Variants in PSPC1 observed in about 807,000 individuals in gnomAD.
PSPC1 encodes the protein paraspeckle protein 1.
Under a neutral mutation model 51.6 loss-of-function variants are expected in PSPC1, and 14 were observed. The observed-to-expected ratio is 0.27, with a 90% CI of 0.18 to 0.42. The LOEUF is 0.42. PSPC1 is among the 10% of genes least tolerant of loss of function. PSPC1 has a pLI of 1.00. For missense variants in PSPC1, 406 were observed against 701.1 expected, an observed-to-expected ratio of 0.58 and a Z score of 4.75; for synonymous variants, 193 against 231.9, an observed-to-expected ratio of 0.83 and a Z score of 1.53.
At chr13:19,772,182 A>C in intron 2 of PSPC1, 60 bp downstream of exon 2, 1 of 1,534,660 alleles carries the variant, frequency 6.5e-7, no homozygotes, top group Non-Finnish European at 8.8e-7. Flanking sequence ...ACAGAATTCC[A>C]AAACAGAGAG....
At chr13:19,707,278 T>A (rs551300492) in intron 7 of PSPC1, among the ~76,000 whole-genome samples, 1 of 152,278 alleles carries the variant, frequency 6.6e-6, no homozygotes, top group Non-Finnish European at 1.5e-5. Context: ...TATTTCCAAC[T>A]AACAGCAGTT....
downstream of PSPC1, among the ~76,000 whole-genome samples, chr13:19,674,032 G>A (rs1876337854): frequency 2.0e-5 from 3 of 152,174 alleles, no homozygotes; most frequent in South Asian, 6.2e-4. Context: ...GATTCAGTTC[G>A]TGGCCTAGGA....
rs1888704575 is a variant in PSPC1 at position 19,772,410 on chromosome 13, T to C, written c.506A>G (p.Asn169Ser). Reference sequence around the variant, plus strand: ...AGAAAATGCTTGCTCTAGCAGCTCATTGGAAACAACTGGAGAAAGGTTCTT... The same window carrying C: ...AGAAAATGCTTGCTCTAGCAGCTCACTGGAAACAACTGGAGAAAGGTTCTT... The part of the protein sequence containing the change: ...TVKNLSPVVS[N>S]ELLEQAFSQF... Residue 169 changes from asparagine (N) to serine (S), a missense_variant, in exon 2 of 9, where the codon AAT becomes AGT. Asn to Ser is a conservative substitution (Grantham distance 46). Coordinates refer to ENST00000338910, the MANE Select transcript of PSPC1 (RefSeq NM_001354909.2). 5.0e-6 allele frequency: 8 copies of C among 1,614,230 alleles called. No homozygotes were observed. Among genetic ancestry groups the C allele is most frequent in the East Asian group, 4.5e-5 (2 of 44,888 alleles).
At chr13:19,736,196 C>T (rs1884763459) in intron 5 of PSPC1, among the ~76,000 whole-genome samples, 1 of 152,046 alleles carries the variant, frequency 6.6e-6, no homozygotes, top group Non-Finnish European at 1.5e-5. Flanking sequence ...AAAAGAAACT[C>T]CCCAGCCACC....
At chr13:19,700,187 A>G (rs1879736614), downstream of PSPC1, among the ~76,000 whole-genome samples, 1 of 152,114 alleles carries the variant, frequency 6.6e-6, no homozygotes, top group African/African-American at 2.4e-5. Flanking sequence ...ATTGCTATTT[A>G]GCAATTATTA....
chr13:19,672,025 G>GCGAC, downstream of PSPC1: 1 of 734,900 alleles, frequency 1.4e-6, no homozygotes, highest in South Asian at 1.7e-5. Flanking sequence ...TCTGTAAGAT[G>GCGAC]CGACATAGCT....
At chr13:19,672,553 A>G (rs1593496615), downstream of PSPC1, 1 of 152,238 alleles carries the variant, frequency 6.6e-6, no homozygotes, top group Admixed American at 6.5e-5. Context: ...GCTTACAGCA[A>G]GGGAGCCATG....
chr13:19,777,135 AAAG>A (rs1186476353), intron 1 of PSPC1, among the ~76,000 whole-genome samples: 3 of 144,064 alleles, frequency 2.1e-5, no homozygotes, highest in African/African-American at 7.7e-5. Context: ...AAAAAAAAAA[AAAG>A]AGGCCAGGCA....
At chr13:19,712,108 T>C (rs1259405371) in intron 6 of PSPC1, among the ~76,000 whole-genome samples, 1 of 152,156 alleles carries the variant, frequency 6.6e-6, no homozygotes, top group Non-Finnish European at 1.5e-5. Flanking sequence ...CAAGCAAATA[T>C]AGTAGACATT....
At chr13:19,773,023 G>T (rs777887632) in intron 1 of PSPC1, among the ~76,000 whole-genome samples, 3 of 151,786 alleles carry the variant, frequency 2.0e-5, no homozygotes, top group Non-Finnish European at 4.4e-5. Flanking sequence ...TTAGCTGGGC[G>T]TGGTGGCGGG....
intron 6 of PSPC1, chr13:19,677,877 C>T (rs1329713103): frequency 1.1e-5 from 5 of 458,464 alleles, no homozygotes; most frequent in Middle Eastern, 3.2e-4. Context: ...TTTCAATAAA[C>T]AATGAGAAAA....
intron 2 of PSPC1, among the ~76,000 whole-genome samples, chr13:19,771,472 G>C (rs1888621583): frequency 6.6e-6 from 1 of 152,028 alleles, no homozygotes; most frequent in African/African-American, 2.4e-5. Context: ...AGGTCACTCG[G>C]TCACCTAGGC....
chr13:19,679,411 G>A (rs1298963084), intron 6 of PSPC1, among the ~76,000 whole-genome samples: 2 of 152,148 alleles, frequency 1.3e-5, no homozygotes, highest in East Asian at 1.9e-4. Context: ...CAGAAGGATC[G>A]TTTGAGCCCA....
intron 2 of PSPC1, among the ~76,000 whole-genome samples, chr13:19,762,391 AC>A (rs1395500625): frequency 6.6e-6 from 1 of 152,054 alleles, no homozygotes; most frequent in Non-Finnish European, 1.5e-5. Context: ...TGCCATCTCT[AC>A]TAAAAAAAAT....
At chr13:19,756,283 C>G (rs1274884681) in intron 3 of PSPC1, among the ~76,000 whole-genome samples, 1 of 152,054 alleles carries the variant, frequency 6.6e-6, no homozygotes, top group Non-Finnish European at 1.5e-5. Flanking sequence ...AGGCCCACTC[C>G]CAGACTGTGG....
At position 19,778,346 on chromosome 13, in the gene PSPC1, T is replaced by C. The variant is rs185802268; in HGVS notation, c.372+4040A>G. On this transcript the variant is annotated intron_variant, in intron 1 of 8. Transcript: ENST00000338910. ...CCATGTAATTACAATTTTCTCTACA[T>C]ATTAAGACCTCTCCCTCTCCCCCTC... Among the ~76,000 whole-genome samples, 829 of 143,648 alleles carry C rather than the reference T, an allele frequency of 5.8e-3. 10 individuals are homozygous for C. Among genetic ancestry groups the C allele is most frequent in the African/African-American group, 0.021 (787 of 38,236 alleles). The allele number at this position is 143,648 out of a possible 152,430, so 94.2% of individuals were successfully genotyped here. A position where few individuals can be genotyped will look rare whatever the true frequency, so the allele number is the denominator to read the frequency against.
intron 7 of PSPC1, among the ~76,000 whole-genome samples, chr13:19,677,010 G>A (rs1462955263): frequency 1.3e-5 from 2 of 152,124 alleles, no homozygotes; most frequent in South Asian, 2.1e-4. Context: ...CGAGGCGGGT[G>A]GATCACAAAG....
downstream of PSPC1, among the ~76,000 whole-genome samples, chr13:19,697,917 C>A (rs940038816): frequency 2.0e-5 from 3 of 151,984 alleles, no homozygotes; most frequent in Admixed American, 2.0e-4. Flanking sequence ...ATAAATAATA[C>A]AAATAACTTG....
intron 5 of PSPC1, among the ~76,000 whole-genome samples, chr13:19,740,388 A>G (rs146027529): frequency 5.9e-5 from 9 of 152,280 alleles, no homozygotes; most frequent in Non-Finnish European, 1.2e-4. Context: ...TCACATAGAA[A>G]TATTTATAAA....
Sources: allele counts gnomAD v4.1 joint callset (sites outside exome capture counted in the v4.1 genomes callset), GRCh38; gene constraint gnomAD v4.1.1; transcripts MANE v1.5; gene names NCBI Gene and HGNC (gene_info 2026-07-23, HGNC 2026-07-21).